Variants in PLAC1 observed in about 807,000 individuals in gnomAD.
The protein encoded by PLAC1 is placenta associated 1.
For synonymous variants in PLAC1, 68 were observed against 62.1 expected (o/e 1.09, Z -0.44); for missense variants, 136 against 163.2 (o/e 0.83, Z 0.91).
chrX:134,609,440 C>T (rs2078141814), intron 1 of PLAC1, among the ~76,000 whole-genome samples: 1 of 111,819 alleles, frequency 8.9e-6, no homozygotes, highest in African/African-American at 3.3e-5. Flanking sequence ...AGCAGGTACT[C>T]GGTAATTGTT....
chrX:134,682,411 A>G (rs1248106503), intron 2 of PLAC1, among the ~76,000 whole-genome samples: 1 of 112,090 alleles, frequency 8.9e-6, no homozygotes, highest in Non-Finnish European at 1.9e-5. Context: ...TGCTCCAGCC[A>G]GGGAGACAAG....
intron 2 of PLAC1, among the ~76,000 whole-genome samples, chrX:134,675,667 A>G (rs1359187888): frequency 2.8e-5 from 3 of 106,525 alleles, no homozygotes; most frequent in Non-Finnish European, 3.9e-5. Context: ...CTCCATCTCA[A>G]AAAAAAAAAA....
chrX:134,720,526 C>T (rs138691939), intron 2 of PLAC1, among the ~76,000 whole-genome samples: 3,497 of 109,432 alleles, frequency 0.032, 141 homozygotes, highest in African/African-American at 0.11. Context: ...TGCAACAGAC[C>T]CAGAGCTAAA....
chrX:134,741,497 C>A (rs1438856468), intron 1 of PLAC1, among the ~76,000 whole-genome samples: 1 of 111,132 alleles, frequency 9.0e-6, no homozygotes, highest in African/African-American at 3.3e-5. Context: ...AATAGACATA[C>A]CCAATCACCG....
intron 1 of PLAC1, among the ~76,000 whole-genome samples, chrX:134,763,270 A>T (rs1041976457): frequency 1.8e-5 from 2 of 111,988 alleles, no homozygotes; most frequent in Non-Finnish European, 3.8e-5. Context: ...AGTAGTCATG[A>T]GGGGAACTAG....
intron 1 of PLAC1, among the ~76,000 whole-genome samples, chrX:134,649,264 C>CAAA (rs898452361): frequency 6.2e-4 from 25 of 40,336 alleles, no homozygotes; most frequent in African/African-American, 1.8e-3. Flanking sequence ...GACTCCATCT[C>CAAA]AAAAAAAAAA....
intron 2 of PLAC1, among the ~76,000 whole-genome samples, chrX:134,585,260 C>A (rs1474622067): frequency 9.4e-6 from 1 of 106,919 alleles, no homozygotes; most frequent in Admixed American, 1.0e-4. Context: ...GCAGGAGAAT[C>A]GCTTGAACCC....
intron 1 of PLAC1, among the ~76,000 whole-genome samples, chrX:134,648,964 T>C (rs775015820): frequency 1.8e-5 from 2 of 111,512 alleles, no homozygotes; most frequent in South Asian, 7.6e-4. Flanking sequence ...AACTTACAAT[T>C]AGGTTATATT....
chrX:134,587,653 C>T (rs2078011962), intron 2 of PLAC1, among the ~76,000 whole-genome samples: 1 of 110,980 alleles, frequency 9.0e-6, no homozygotes, highest in Admixed American at 9.6e-5. Context: ...CCTTTAAATC[C>T]CTCAGTTCTC....
chrX:134,656,254 C>A (rs4642805), intron 1 of PLAC1, among the ~76,000 whole-genome samples: 3 of 112,278 alleles, frequency 2.7e-5, no homozygotes, highest in African/African-American at 9.7e-5. Flanking sequence ...CGATCTCTAC[C>A]TAAATCCTAG....
chrX:134,589,192 G>C (rs1168456043), intron 2 of PLAC1, among the ~76,000 whole-genome samples: 1 of 111,524 alleles, frequency 9.0e-6, no homozygotes, highest in Non-Finnish European at 1.9e-5. Flanking sequence ...AAAGTCTAAA[G>C]TGCAGCCTCC....
Position 134,725,934 on chromosome X carries a change from T to C in PLAC1, n.174+7501A>G, listed in dbSNP as rs753669750. 3.6e-5 allele frequency among the ~76,000 whole-genome samples: 4 copies of C among 111,541 alleles called. No homozygotes were observed. The East Asian group carries it at 8.5e-4, about 24-fold the overall frequency. ...ATAGCTTGAACCCAGGAGGCAGAGG[T>C]TGCAGTGAGCTGAAATCATACCACT... is the stretch of plus-strand genomic sequence containing the variant. On this transcript the variant is annotated intron_variant and non_coding_transcript_variant, in intron 2 of 2. Transcript: ENST00000466797.
At chrX:134,574,800 A>G (rs1286696947) in intron 2 of PLAC1, among the ~76,000 whole-genome samples, 1 of 111,579 alleles carries the variant, frequency 9.0e-6, no homozygotes, top group Non-Finnish European at 1.9e-5. Context: ...CATAATCAGA[A>G]GCAGAAGCCT....
chrX:134,700,191 C>A (rs758136727), intron 2 of PLAC1, among the ~76,000 whole-genome samples: 6 of 111,806 alleles, frequency 5.4e-5, no homozygotes, highest in African/African-American at 1.9e-4. Context: ...CTGAAATTAA[C>A]TATCTGGTTT....
intron 2 of PLAC1, among the ~76,000 whole-genome samples, chrX:134,675,762 T>A (rs925863610): frequency 9.0e-6 from 1 of 110,951 alleles, no homozygotes; most frequent in African/African-American, 3.3e-5. Context: ...GGGCAACCAA[T>A]ACAGAAAATC....
intron 1 of PLAC1, among the ~76,000 whole-genome samples, chrX:134,620,295 G>T (rs1165106898): frequency 1.8e-5 from 2 of 112,264 alleles, no homozygotes; most frequent in Admixed American, 9.4e-5. Flanking sequence ...AGGTCCCATT[G>T]TTCTTTTACA....
intron 2 of PLAC1, among the ~76,000 whole-genome samples, chrX:134,593,728 A>G (rs922740070): frequency 1.8e-5 from 2 of 112,006 alleles, no homozygotes; most frequent in African/African-American, 3.2e-5. Flanking sequence ...ATACAATTGT[A>G]TGCTTATCTT....
At chrX:134,586,016 G>A (rs963954103) in intron 2 of PLAC1, among the ~76,000 whole-genome samples, 12 of 112,097 alleles carry the variant, frequency 1.1e-4, no homozygotes, top group East Asian at 8.4e-4. Flanking sequence ...AGAATGTACC[G>A]CCAACAGGGC....
At chrX:134,706,323 C>A (rs1446616497) in intron 2 of PLAC1, among the ~76,000 whole-genome samples, 1 of 112,269 alleles carries the variant, frequency 8.9e-6, no homozygotes, top group Non-Finnish European at 1.9e-5. Flanking sequence ...AAGTGGGAAG[C>A]TGTGACTGTA....
Sources: gnomAD v4.1 joint callset for allele counts (sites outside exome capture counted in the v4.1 genomes callset) on GRCh38, gnomAD v4.1.1 for gene constraint, MANE v1.5 for transcripts, NCBI Gene and HGNC (gene_info 2026-07-23, HGNC 2026-07-21) for gene names.